Variants in PRKAA1 observed in about 807,000 individuals in gnomAD.
PRKAA1 encodes 5'-AMP-activated protein kinase catalytic subunit alpha-1.
Under a neutral mutation model 56.9 loss-of-function variants are expected in PRKAA1, and 23 were observed. The observed-to-expected ratio is 0.40, with a 90% CI of 0.29 to 0.57. PRKAA1 has a LOEUF of 0.57. Ranked by LOEUF, PRKAA1 falls within the 20% of genes least tolerant of loss-of-function variation. PRKAA1 has a pLI of 0.39. For synonymous variants in PRKAA1, 226 were observed against 227.0 expected (o/e 1.00, Z 0.04); for missense variants, 413 against 679.7 (o/e 0.61, Z 4.36).
intron 1 of PRKAA1, among the ~76,000 whole-genome samples, chr5:40,780,222 C>T (rs1293761772): frequency 2.0e-5 from 3 of 152,140 alleles, no homozygotes; most frequent in African/African-American, 7.2e-5. Context: ...TCTGTCTTCA[C>T]AACACCAATA....
intron 1 of PRKAA1, among the ~76,000 whole-genome samples, chr5:40,795,497 A>G (rs1744889171): frequency 6.6e-6 from 1 of 152,134 alleles, no homozygotes; most frequent in Admixed American, 6.5e-5. Flanking sequence ...GGGCAATGCC[A>G]TCCCCCTTGC....
At chr5:40,797,244 G>A (rs1208734749) in intron 1 of PRKAA1, among the ~76,000 whole-genome samples, 1 of 152,176 alleles carries the variant, frequency 6.6e-6, no homozygotes. Flanking sequence ...TTCGAATGAT[G>A]TGCACTTAAA....
intron 2 of PRKAA1, among the ~76,000 whole-genome samples, chr5:40,776,757 G>A (rs1744022030): frequency 6.6e-6 from 1 of 152,158 alleles, no homozygotes; most frequent in Admixed American, 6.5e-5. Flanking sequence ...TAAGCAGGAT[G>A]GGGAAAAACC....
At chr5:40,791,427 CTAAA>C (rs1744713320) in intron 1 of PRKAA1, among the ~76,000 whole-genome samples, 1 of 152,190 alleles carries the variant, frequency 6.6e-6, no homozygotes, top group Non-Finnish European at 1.5e-5. Flanking sequence ...GATTAGTCAA[CTAAA>C]TATTAGCTAA....
At chr5:40,784,725 ACACTCTCACC>A (rs1355487584) in intron 1 of PRKAA1, among the ~76,000 whole-genome samples, 1 of 152,176 alleles carries the variant, frequency 6.6e-6, no homozygotes, top group Non-Finnish European at 1.5e-5. Context: ...ACATACTGAC[ACACTCTCACC>A]AACCTGGAAG....
At chr5:40,766,671 T>G (rs1249910461) in intron 6 of PRKAA1, among the ~76,000 whole-genome samples, 1 of 151,770 alleles carries the variant, frequency 6.6e-6, no homozygotes, top group Non-Finnish European at 1.5e-5. Flanking sequence ...AGATAAGAAA[T>G]AAAATAGCCA....
intron 3 of PRKAA1, among the ~76,000 whole-genome samples, chr5:40,773,658 T>C (rs184490555): frequency 3.3e-5 from 5 of 151,728 alleles, no homozygotes; most frequent in Admixed American, 1.3e-4. Flanking sequence ...CCTAAGCCTA[T>C]AGGGGTAGAA....
At chr5:40,787,194 G>C (rs953624982) in intron 1 of PRKAA1, among the ~76,000 whole-genome samples, 3 of 151,992 alleles carry the variant, frequency 2.0e-5, no homozygotes. Context: ...AGCCAGGCGC[G>C]GTGGCTCACA....
rs573113864 is a variant in PRKAA1 at position 40,760,352 on chromosome 5, C to T, written c.*2426G>A. 6.5e-6 allele frequency: 1 copy of T among 152,732 alleles called. No homozygotes were observed. Among genetic ancestry groups the T allele is most frequent in the Non-Finnish European group, 1.5e-5 (1 of 68,006 alleles). The allele number at this position is 152,732 out of a possible 1,614,324, so 9.5% of individuals were successfully genotyped here. The stretch of plus-strand genomic sequence containing the variant: ...CAGTAACTAAAATGAATCACAATAA[C>T]TTATAAGAGAAGCAAAGTTTACAAA... On this transcript the variant is annotated 3_prime_UTR_variant, in exon 9 of 9. Transcript: ENST00000397128.
intron 1 of PRKAA1, among the ~76,000 whole-genome samples, chr5:40,790,425 A>G (rs969123431): frequency 3.3e-5 from 5 of 151,980 alleles, no homozygotes; most frequent in Non-Finnish European, 5.9e-5. Flanking sequence ...TTAGCAGGAT[A>G]GGGCTTTTTG....
intron 1 of PRKAA1, among the ~76,000 whole-genome samples, chr5:40,782,152 A>T (rs1320948185): frequency 6.6e-6 from 1 of 152,152 alleles, no homozygotes; most frequent in African/African-American, 2.4e-5. Flanking sequence ...AAGAATACTA[A>T]GACAGAATCC....
At chr5:40,763,135 C>G in intron 8 of PRKAA1, 113 bp from the exon 9 acceptor site, 1 of 1,005,878 alleles carries the variant, frequency 9.9e-7, no homozygotes, top group Non-Finnish European at 1.5e-6. Context: ...ATCAAGAGCA[C>G]GCTTATTCTA....
At position 40,762,940 on chromosome 5, in the gene PRKAA1, A is replaced by T; in HGVS notation, c.1518T>A (p.Ser506Arg). The change falls in exon 9 of 9, where the codon AGT becomes AGA. Residue 506 changes from serine (S) to arginine (R), a missense_variant. Coordinates refer to ENST00000397128, the MANE Select transcript of PRKAA1 (RefSeq NM_006251.6). ...SVSNYRSCQR[S>R]DSDAEAQGKS... The stretch of plus-strand genomic sequence containing the variant: ...TTCCTTGAGCCTCAGCATCTGAATC[A>T]CTCCTTTGGCAAGATCGATAGTTGC... 1.2e-6 allele frequency: 2 copies of T among 1,613,884 alleles called. No individual in the cohort carries two copies. The highest frequency in any genetic ancestry group is 1.1e-5 in the South Asian group (1 of 91,050).
In PRKAA1 at chr5:40,760,618, C is replaced by T. The variant is rs1322739768; in HGVS notation, c.*2160G>A. The T allele has an allele frequency of 6.5e-6, 1 of 152,718 alleles. No individual in the cohort carries two copies. Among genetic ancestry groups the T allele is most frequent in the Non-Finnish European group, 1.5e-5 (1 of 68,006 alleles). 9.5% of individuals were successfully genotyped at this position (152,718 alleles called of 1,614,324 possible). A position where few individuals can be genotyped will look rare whatever the true frequency, so the allele number is the denominator to read the frequency against. ...GTTTTGAACTCATATTTAAATGGAA[C>T]TTCTATTACTTTGTACAGCTTTCAA... is the stretch of plus-strand genomic sequence containing the variant. On this transcript the variant is annotated 3_prime_UTR_variant, in exon 9 of 9. Transcript: ENST00000397128.
At chr5:40,788,350 C>T (rs1744580785) in intron 1 of PRKAA1, among the ~76,000 whole-genome samples, 1 of 152,096 alleles carries the variant, frequency 6.6e-6, no homozygotes, top group Non-Finnish European at 1.5e-5. Flanking sequence ...CTTATCTCAC[C>T]CCTTAACAAG....
chr5:40,773,351 A>C (rs1331141392), intron 3 of PRKAA1, among the ~76,000 whole-genome samples: 1 of 80,650 alleles, frequency 1.2e-5, no homozygotes, highest in East Asian at 4.8e-4. Context: ...TAAAAAGTAA[A>C]ATAGACAGGC....
chr5:40,784,272 C>T (rs1210363655), intron 1 of PRKAA1, among the ~76,000 whole-genome samples: 1 of 152,174 alleles, frequency 6.6e-6, no homozygotes, highest in African/African-American at 2.4e-5. Flanking sequence ...GATGCAATAG[C>T]ATTCCTTTAT....
Position 40,759,852 on chromosome 5 carries a change from G to A in PRKAA1, c.*2926C>T, listed in dbSNP as rs930091997. On this transcript the variant is annotated 3_prime_UTR_variant, in exon 9 of 9. Transcript: ENST00000397128. ...TAAAAGCAATGGAGTTTATTTCAGT[G>A]AAATTATTTTAAATTAGATATGATA... 4 of 152,264 alleles carry A rather than the reference G, an allele frequency of 2.6e-5. No homozygotes were observed. Among genetic ancestry groups the A allele is most frequent in the Non-Finnish European group, 5.9e-5 (4 of 68,022 alleles). 9.4% of individuals were successfully genotyped at this position (152,264 alleles called of 1,614,324 possible).
Position 40,761,231 on chromosome 5 carries a change from C to G in PRKAA1, c.*1547G>C, listed in dbSNP as rs1225210989. On this transcript the variant is annotated 3_prime_UTR_variant, in exon 9 of 9. Transcript: ENST00000397128. ...TTGGATCCTAGTTTGAAATAATCAG[C>G]TATAAAGAAATTTGGAGTTAACTTC... is the stretch of plus-strand genomic sequence containing the variant. The G allele has an allele frequency of 6.6e-6, 1 of 152,008 alleles. No homozygotes were observed. The highest frequency in any genetic ancestry group is 1.5e-5 in the Non-Finnish European group (1 of 67,954). 9.4% of individuals were successfully genotyped at this position (152,008 alleles called of 1,614,324 possible). A position where few individuals can be genotyped will look rare whatever the true frequency, so the allele number is the denominator to read the frequency against.
Sources: allele counts gnomAD v4.1 joint callset (sites outside exome capture counted in the v4.1 genomes callset), GRCh38; gene constraint gnomAD v4.1.1; transcripts MANE v1.5; gene names NCBI Gene and HGNC (gene_info 2026-07-23, HGNC 2026-07-21).